The following ADGRE1 variants were observed in gnomAD, a reference collection of about 807,000 sequenced individuals.
ADGRE1 encodes EGF-like module receptor 1.
ADGRE1 carries 82 observed loss-of-function variants against 102.7 expected under a neutral mutation model. That is an observed-to-expected ratio of 0.80 (90% CI 0.67 to 0.96). The LOEUF (loss-of-function observed/expected upper bound fraction) is 0.96. ADGRE1 is among the 40% of genes least tolerant of loss of function. The pLI is 0.00. For synonymous variants in ADGRE1, 398 were observed against 399.6 expected (o/e 1.00, Z 0.05); for missense variants, 1,032 against 1,085.3 (o/e 0.95, Z 0.69).
At chr19:6,902,093 G>A in intron 6 of ADGRE1, 72 bp downstream of exon 6, 1 of 1,576,002 alleles carries the variant, frequency 6.3e-7, no homozygotes, top group East Asian at 2.3e-5. Context: ...GGATTAGGGT[G>A]GGTCTTGGTT....
chr19:6,902,706 G>A (rs1199400602), intron 6 of ADGRE1, among the ~76,000 whole-genome samples: 1 of 151,066 alleles, frequency 6.6e-6, no homozygotes, highest in African/African-American at 2.4e-5. Flanking sequence ...TTCTCAAAGC[G>A]TTTGGATTAC....
In ADGRE1 at chr19:6,935,019, G is replaced by A; in HGVS notation, c.2322G>A (p.Trp774Ter). 6.3e-7 allele frequency: 1 copy of A among 1,597,618 alleles called. No homozygotes were observed. ...INSLLLTWTL[W>*]ILRQRLSSVN... ...CCCTTCTCCTGACCTGGACCTTGTG[G>A]ATCCTGAGGCAGAGGCTTTCCAGTG... The change falls in exon 18 of 21, where the codon TGG (tryptophan) becomes TGA (stop). Residue 774 changes from tryptophan to a stop codon, truncating the protein, a stop_gained. Coordinates refer to ENST00000312053, the MANE Select transcript of ADGRE1 (RefSeq NM_001974.5). LOFTEE classifies it high-confidence loss of function.
At chr19:6,908,014 G>A (rs1974033776) in intron 9 of ADGRE1, among the ~76,000 whole-genome samples, 1 of 152,252 alleles carries the variant, frequency 6.6e-6, no homozygotes, top group African/African-American at 2.4e-5. Flanking sequence ...GCAGCACTGT[G>A]ACATGTTCAT....
intron 10 of ADGRE1, among the ~76,000 whole-genome samples, chr19:6,913,179 T>TC (rs1974260479): frequency 6.6e-6 from 1 of 151,996 alleles, no homozygotes; most frequent in Non-Finnish European, 1.5e-5. Flanking sequence ...AATTTGTATT[T>TC]CTTTTTTTTT....
Position 6,904,025 on chromosome 19 carries a change from G to C in ADGRE1, c.803-11G>C. 1 of 1,614,162 alleles carries C rather than the reference G, an allele frequency of 6.2e-7. No individual in the cohort carries two copies. The highest frequency in any genetic ancestry group is 8.5e-7 in the Non-Finnish European group (1 of 1,180,028). ...CTTCTGGGTTTCTTGATATTCTCCAGTTCTTTGCAGATATTGATGAGTGCC... is the reference window on the plus strand; with the variant it reads ...CTTCTGGGTTTCTTGATATTCTCCACTTCTTTGCAGATATTGATGAGTGCC... On this transcript the variant is annotated splice_polypyrimidine_tract_variant and intron_variant, in intron 7 of 20. Coordinates refer to ENST00000312053, the MANE Select transcript of ADGRE1 (RefSeq NM_001974.5).
At chr19:6,897,776 T>A (rs1437553621) in intron 5 of ADGRE1, 3 of 309,258 alleles carry the variant, frequency 9.7e-6, no homozygotes, top group Non-Finnish European at 1.7e-5. Flanking sequence ...TGGGTCTTTT[T>A]AAAAAATTTT....
At chr19:6,921,358 G>A (rs991735885) in intron 13 of ADGRE1, among the ~76,000 whole-genome samples, 5 of 152,116 alleles carry the variant, frequency 3.3e-5, no homozygotes, top group Admixed American at 2.6e-4. Context: ...GGAGGCAGAG[G>A]TTGCAGCGAG....
At chr19:6,922,429 C>T (rs889747930) in intron 14 of ADGRE1, among the ~76,000 whole-genome samples, 8 of 151,736 alleles carry the variant, frequency 5.3e-5, no homozygotes, top group African/African-American at 1.9e-4. Flanking sequence ...TCCTGGCCAA[C>T]ATGGTGAAAC....
At chr19:6,922,836 G>A (rs1037459038) in intron 14 of ADGRE1, among the ~76,000 whole-genome samples, 4 of 152,068 alleles carry the variant, frequency 2.6e-5, no homozygotes, top group East Asian at 1.9e-4. Context: ...CCAGCACTTC[G>A]GGAGGCCGAG....
chr19:6,940,151 A>C lies in ADGRE1; in HGVS notation c.*122A>C, dbSNP rs369434562. On this transcript the variant is annotated 3_prime_UTR_variant, in exon 21 of 21. Transcript: ENST00000312053. ...GAAATGAGGATCCCACCAGCCCCAG[A>C]ACCCTCTGGGGAAGAATGTTGGGGG... 57 of 1,198,038 alleles carry C rather than the reference A, an allele frequency of 4.8e-5. No homozygotes were observed. The highest frequency in any genetic ancestry group is 3.9e-4 in the East Asian group (16 of 40,890). 74.2% of individuals were successfully genotyped at this position (1,198,038 alleles called of 1,614,324 possible).
At chr19:6,930,141 T>C (rs1370120816) in intron 17 of ADGRE1, among the ~76,000 whole-genome samples, 1 of 152,202 alleles carries the variant, frequency 6.6e-6, no homozygotes, top group Non-Finnish European at 1.5e-5. Context: ...AGGACTTCCT[T>C]ACCCTCACTA....
chr19:6,889,262 GTGA>G (rs1254016043), intron 1 of ADGRE1, among the ~76,000 whole-genome samples: 1 of 150,934 alleles, frequency 6.6e-6, no homozygotes, highest in Non-Finnish European at 1.5e-5. Flanking sequence ...GATGATAATG[GTGA>G]TGATGGTGAT....
At chr19:6,898,242 T>C (rs1421185049) in intron 5 of ADGRE1, 18 of 1,445,362 alleles carry the variant, frequency 1.2e-5, no homozygotes, top group Admixed American at 8.6e-5. Context: ...TTTAACTTTT[T>C]TTTTTGGCAA....
intron 17 of ADGRE1, among the ~76,000 whole-genome samples, chr19:6,934,739 A>G (rs1406223281): frequency 6.6e-6 from 1 of 150,958 alleles, no homozygotes; most frequent in Non-Finnish European, 1.5e-5. Context: ...CTGTGATTAC[A>G]GGCATCCACC....
intron 17 of ADGRE1, among the ~76,000 whole-genome samples, chr19:6,931,461 G>C (rs1009188914): frequency 2.0e-4 from 31 of 152,158 alleles, no homozygotes; most frequent in African/African-American, 7.5e-4. Context: ...GACAACACGA[G>C]GGAGGGTCTG....
At chr19:6,919,456 GT>G in intron 12 of ADGRE1, 91 bp from the exon 13 acceptor site, 1 of 679,536 alleles carries the variant, frequency 1.5e-6, no homozygotes, top group Non-Finnish European at 2.5e-6. Flanking sequence ...GTGTGTGTGT[GT>G]GTGTGTGTGT....
rs202240774 is a variant in ADGRE1, at chr19:6,897,285, G to A, written c.375G>A (p.Pro125=). 85 of 1,613,810 alleles carry A rather than the reference G, an allele frequency of 5.3e-5. No homozygotes were observed. Among genetic ancestry groups the A allele is most frequent in the East Asian group, 3.6e-4 (16 of 44,852 alleles). ...GAAATGACTGGGTCCCAGGAAAGCC[G>A]GGCAATTTCTCCTGTACTGGTAATG... The part of the protein sequence containing the change: ...PTGNDWVPGK[P]GNFSCTDINE... The change falls in exon 4 of 21, where the codon CCG becomes CCA. Residue 125 remains proline (P), a synonymous_variant. Transcript: ENST00000312053.
At chr19:6,896,772 C>T (rs1973569793) in intron 3 of ADGRE1, 1 of 337,862 alleles carries the variant, frequency 3.0e-6, no homozygotes, top group African/African-American at 7.3e-5. Flanking sequence ...ACATGATTTT[C>T]TTCCTTCCTT....
At chr19:6,933,029 C>A (rs536554663) in intron 17 of ADGRE1, among the ~76,000 whole-genome samples, 1 of 152,042 alleles carries the variant, frequency 6.6e-6, no homozygotes, top group Non-Finnish European at 1.5e-5. Context: ...GAGACCAGCC[C>A]GGCCAACATG....
Sources: gnomAD v4.1 joint callset for allele counts (sites outside exome capture counted in the v4.1 genomes callset) on GRCh38, gnomAD v4.1.1 for gene constraint, MANE v1.5 for transcripts, NCBI Gene and HGNC (gene_info 2026-07-23, HGNC 2026-07-21) for gene names.